The following GRID2 variants were observed in gnomAD, a reference collection of about 807,000 sequenced individuals.
GRID2 encodes glutamate receptor ionotropic, delta-2.
In GRID2, 33 loss-of-function variants were observed where a neutral mutation model predicts 114.8. That is an observed-to-expected ratio of 0.29 (90% confidence interval 0.22 to 0.38). The LOEUF (loss-of-function observed/expected upper bound fraction) is 0.38. GRID2 is among the 10% of genes least tolerant of loss of function. The pLI is 1.00. For synonymous variants in GRID2, 505 were observed against 449.9 expected (o/e 1.12, Z -1.55); for missense variants, 1,184 against 1,257.7 (o/e 0.94, Z 0.89).
At chr4:93,760,281 T>G (rs1733096567) in intron 14 of GRID2, among the ~76,000 whole-genome samples, 1 of 152,204 alleles carries the variant, frequency 6.6e-6, no homozygotes, top group Admixed American at 6.5e-5. Context: ...AAATAGGTAC[T>G]CTGAATAAAG....
chr4:92,649,483 G>T (rs1262076494), intron 2 of GRID2, among the ~76,000 whole-genome samples: 1 of 151,456 alleles, frequency 6.6e-6, no homozygotes, highest in Non-Finnish European at 1.5e-5. Flanking sequence ...GGTGAGGGCA[G>T]ATCTTTACCC....
intron 8 of GRID2, among the ~76,000 whole-genome samples, chr4:93,394,896 T>G (rs146182130): frequency 1.3e-5 from 2 of 152,002 alleles, no homozygotes; most frequent in African/African-American, 4.8e-5. Flanking sequence ...TTCAGATATA[T>G]AGACAGTAAT....
chr4:92,976,666 T>C (rs1267583254), intron 2 of GRID2, among the ~76,000 whole-genome samples: 1 of 152,070 alleles, frequency 6.6e-6, no homozygotes, highest in East Asian at 1.9e-4. Flanking sequence ...ATTACAAAAA[T>C]GAAAAATCTG....
At chr4:92,542,186 A>G (rs371487132) in intron 1 of GRID2, among the ~76,000 whole-genome samples, 2 of 152,090 alleles carry the variant, frequency 1.3e-5, no homozygotes, top group African/African-American at 4.8e-5. Context: ...AGTTCTGAGT[A>G]TACTATTTAT....
At chr4:93,032,690 C>G (rs1724546453) in intron 2 of GRID2, among the ~76,000 whole-genome samples, 1 of 152,072 alleles carries the variant, frequency 6.6e-6, no homozygotes, top group South Asian at 2.1e-4. Context: ...GTCACAGATG[C>G]CTTTTCTCTT....
intron 2 of GRID2, among the ~76,000 whole-genome samples, chr4:93,071,481 T>C (rs1728800449): frequency 6.6e-6 from 1 of 152,012 alleles, no homozygotes; most frequent in Non-Finnish European, 1.5e-5. Flanking sequence ...ATATATAAAA[T>C]ACAATCAAAT....
chr4:92,846,554 T>C (rs1295745916), intron 2 of GRID2, among the ~76,000 whole-genome samples: 2 of 152,236 alleles, frequency 1.3e-5, no homozygotes, highest in East Asian at 3.9e-4. Flanking sequence ...AGACCTTGCT[T>C]TTAGTTGCTT....
intron 13 of GRID2, among the ~76,000 whole-genome samples, chr4:93,576,672 G>A (rs1736454433): frequency 6.6e-6 from 1 of 151,994 alleles, no homozygotes; most frequent in Non-Finnish European, 1.5e-5. Flanking sequence ...ACACTTTTTT[G>A]ACGTTTTAGT....
chr4:92,753,374 T>G (rs887216152), intron 2 of GRID2, among the ~76,000 whole-genome samples: 2 of 152,122 alleles, frequency 1.3e-5, no homozygotes, highest in Non-Finnish European at 2.9e-5. Flanking sequence ...TAAATGACAT[T>G]GTATTCAAAG....
At chr4:92,410,566 T>C (rs990913673) in intron 1 of GRID2, among the ~76,000 whole-genome samples, 1 of 152,164 alleles carries the variant, frequency 6.6e-6, no homozygotes, top group Non-Finnish European at 1.5e-5. Flanking sequence ...ACAGTTTTCA[T>C]ACAGAAGCAA....
At chr4:93,719,646 T>TAC (rs1729190146) in intron 14 of GRID2, among the ~76,000 whole-genome samples, 2 of 152,332 alleles carry the variant, frequency 1.3e-5, no homozygotes, top group Admixed American at 1.3e-4. Context: ...ATAGTTTTAC[T>TAC]ACACACTTAA....
chr4:92,941,252 A>T (rs12500746), intron 2 of GRID2, among the ~76,000 whole-genome samples: 85,155 of 151,956 alleles, frequency 0.56, 25,012 homozygotes, highest in Middle Eastern at 0.74. Flanking sequence ...CAGATCCTGT[A>T]ACTGGTCTAT....
chr4:93,404,995 G>A (rs1766266354), intron 9 of GRID2, among the ~76,000 whole-genome samples: 1 of 152,012 alleles, frequency 6.6e-6, no homozygotes, highest in African/African-American at 2.4e-5. Context: ...AAATTTCTCT[G>A]TGACTATGAA....
chr4:92,738,574 T>G (rs1736716259), intron 2 of GRID2, among the ~76,000 whole-genome samples: 1 of 152,190 alleles, frequency 6.6e-6, no homozygotes, highest in African/African-American at 2.4e-5. Flanking sequence ...TGTTTTTAAA[T>G]TTTGATTTCA....
At chr4:93,317,582 G>A (rs540262109) in intron 8 of GRID2, among the ~76,000 whole-genome samples, 17 of 152,126 alleles carry the variant, frequency 1.1e-4, no homozygotes, top group African/African-American at 4.1e-4. Context: ...CTATTAAATA[G>A]AGTTTCTTTC....
intron 8 of GRID2, chr4:93,258,776 C>A: frequency 2.7e-6 from 1 of 364,870 alleles, no homozygotes; most frequent in Non-Finnish European, 5.4e-6. Flanking sequence ...CTATAATTAA[C>A]CACTACAACT....
intron 1 of GRID2, among the ~76,000 whole-genome samples, chr4:92,563,211 A>G (rs1280535693): frequency 6.6e-6 from 1 of 152,152 alleles, no homozygotes; most frequent in Non-Finnish European, 1.5e-5. Flanking sequence ...ATTATGTGCT[A>G]ATAATATTAG....
At chr4:92,990,942 T>C (rs1754863925) in intron 2 of GRID2, among the ~76,000 whole-genome samples, 1 of 152,202 alleles carries the variant, frequency 6.6e-6, no homozygotes. Flanking sequence ...TACTAAAGAA[T>C]ACTATAACAA....
intron 4 of GRID2, among the ~76,000 whole-genome samples, chr4:93,205,607 G>A (rs889304505): frequency 5.9e-5 from 9 of 152,066 alleles, no homozygotes; most frequent in South Asian, 2.1e-4. Flanking sequence ...GAATAGTGCC[G>A]CGATAAACAT....
Sources: allele counts gnomAD v4.1 joint callset (sites outside exome capture counted in the v4.1 genomes callset), GRCh38; gene constraint gnomAD v4.1.1; transcripts MANE v1.5; gene names NCBI Gene and HGNC (gene_info 2026-07-23, HGNC 2026-07-21).